CALCR: variants seen among roughly 807,000 people sequenced by gnomAD.
CALCR encodes the protein calcitonin receptor.
CALCR carries 47 observed loss-of-function variants against 59.5 expected under a neutral mutation model. The ratio of observed to expected loss-of-function variants is 0.79; its 90% CI spans 0.63 to 1.01. The LOEUF (loss-of-function observed/expected upper bound fraction) is 1.01. CALCR is among the 50% of genes least tolerant of loss of function. The pLI, the probability that CALCR is intolerant of heterozygous loss-of-function variation, is 0.00. For synonymous variants in CALCR, 213 were observed against 211.3 expected (o/e 1.01, Z -0.07); for missense variants, 566 against 597.1 (o/e 0.95, Z 0.54).
intron 2 of CALCR, among the ~76,000 whole-genome samples, chr7:93,537,591 A>G (rs1414264138): frequency 6.6e-6 from 1 of 151,872 alleles, no homozygotes; most frequent in East Asian, 1.9e-4. Context: ...CAGTTTTTGC[A>G]ATTGTATTTC....
At chr7:93,521,007 T>C (rs777569070) in intron 2 of CALCR, among the ~76,000 whole-genome samples, 4 of 152,152 alleles carry the variant, frequency 2.6e-5, no homozygotes, top group Non-Finnish European at 4.4e-5. Context: ...AAACATTTGG[T>C]GTTTCTCAGT....
At chr7:93,557,205 CTCAGACTGCT>C (rs1269518027) in intron 2 of CALCR, among the ~76,000 whole-genome samples, 1 of 151,948 alleles carries the variant, frequency 6.6e-6, no homozygotes, top group Non-Finnish European at 1.5e-5. Context: ...TGTCTCCAAT[CTCAGACTGCT>C]TATGTATAAA....
intron 8 of CALCR, among the ~76,000 whole-genome samples, chr7:93,445,540 T>C (rs1462363487): frequency 6.6e-6 from 1 of 152,110 alleles, no homozygotes; most frequent in Non-Finnish European, 1.5e-5. Flanking sequence ...AGTTATGGTC[T>C]ATAAAGTTGC....
At chr7:93,431,952 A>G (rs1398619178) in intron 13 of CALCR, among the ~76,000 whole-genome samples, 3 of 152,136 alleles carry the variant, frequency 2.0e-5, no homozygotes, top group African/African-American at 7.2e-5. Flanking sequence ...CTAATAATTT[A>G]CTGATATGTT....
At chr7:93,449,103 C>A (rs1466284384) in intron 8 of CALCR, among the ~76,000 whole-genome samples, 1 of 151,968 alleles carries the variant, frequency 6.6e-6, no homozygotes, top group Non-Finnish European at 1.5e-5. Context: ...ATCAAAGCTG[C>A]CAATTTTATT....
At chr7:93,546,362 G>C (rs1789285344) in intron 2 of CALCR, among the ~76,000 whole-genome samples, 1 of 152,066 alleles carries the variant, frequency 6.6e-6, no homozygotes, top group South Asian at 2.1e-4. Context: ...ATCTTAAAGA[G>C]AACTGTGACA....
chr7:93,554,191 A>C (rs932635963), intron 2 of CALCR, among the ~76,000 whole-genome samples: 5 of 152,156 alleles, frequency 3.3e-5, no homozygotes, highest in Non-Finnish European at 5.9e-5. Context: ...TTTTTATATG[A>C]GAAGTTGTAC....
Position 93,460,873 on chromosome 7 carries a change from A to G in CALCR, c.596T>C (p.Ile199Thr), listed in dbSNP as rs1292403103. The G allele has an allele frequency of 6.2e-7, 1 of 1,611,872 alleles. No homozygotes were observed. The highest frequency in any genetic ancestry group is 1.7e-5 in the Admixed American group (1 of 59,860). ...LTYILNSMII[I>T]IHLVEVVPNG... ...GGGTACTACTTCAACCAGGTGGATG[A>G]TGATAATCATAGAATTCAGAATGTA... Residue 199 changes from isoleucine to threonine, a missense_variant, in exon 8 of 14, where the codon ATC becomes ACC. Physicochemically the swap from Ile to Thr is moderately conservative, Grantham distance 89. Transcript: ENST00000426151.
At chr7:93,548,982 TA>T (rs2116219555) in intron 2 of CALCR, among the ~76,000 whole-genome samples, 1 of 152,184 alleles carries the variant, frequency 6.6e-6, no homozygotes, top group African/African-American at 2.4e-5. Context: ...GCTGTGATTA[TA>T]AAAATTCTCA....
chr7:93,448,676 A>G (rs1218514848), intron 8 of CALCR, among the ~76,000 whole-genome samples: 1 of 152,016 alleles, frequency 6.6e-6, no homozygotes, highest in African/African-American at 2.4e-5. Flanking sequence ...GTCAGAGGAG[A>G]AAAAATGGAT....
At chr7:93,457,045 T>C (rs1464670265) in intron 8 of CALCR, among the ~76,000 whole-genome samples, 3 of 152,144 alleles carry the variant, frequency 2.0e-5, no homozygotes, top group African/African-American at 7.2e-5. Flanking sequence ...GGGGACAGCC[T>C]ATGTGCTGTG....
intron 9 of CALCR, among the ~76,000 whole-genome samples, chr7:93,440,601 A>T (rs906970799): frequency 6.6e-6 from 1 of 151,914 alleles, no homozygotes; most frequent in Non-Finnish European, 1.5e-5. Context: ...CATGCTAAAA[A>T]CATTACATTT....
Position 93,426,399 on chromosome 7 carries a change from T to C in CALCR, c.1382A>G (p.Glu461Gly). ...PANNQGEESA[E>G]IIPLNIIEQE... ...CTCTATGATATTCAAAGGGATGATCTCAGCACTCTCCTCGCCTTGGTTGTT... is the reference window on the plus strand; with the variant it reads ...CTCTATGATATTCAAAGGGATGATCCCAGCACTCTCCTCGCCTTGGTTGTT... The change falls in exon 14 of 14, where the codon GAG becomes GGG. Residue 461 changes from glutamate (E) to glycine (G), a missense_variant. Transcript: ENST00000426151. The C allele has an allele frequency of 6.2e-7, 1 of 1,613,484 alleles. No individual in the cohort carries two copies. The highest frequency in any genetic ancestry group is 1.3e-5 in the African/African-American group (1 of 75,054).
chr7:93,490,529 C>T (rs974243539), intron 2 of CALCR, among the ~76,000 whole-genome samples: 2 of 151,830 alleles, frequency 1.3e-5, no homozygotes, highest in Admixed American at 1.3e-4. Flanking sequence ...CCCCAAAACT[C>T]CTTAAGCTGA....
chr7:93,528,689 A>T (rs1788745791), intron 2 of CALCR, among the ~76,000 whole-genome samples: 1 of 152,240 alleles, frequency 6.6e-6, no homozygotes, highest in Admixed American at 6.5e-5. Flanking sequence ...ATAATTGGCA[A>T]TATATGTTAT....
rs35430784 is a variant in CALCR, at chr7:93,438,129, GA to G, written c.864-4del. ...GGGTTTCCACACTCAGCCAGCAGCTGAAAAAGGGCAAGGGGACAATTAATAC... is the reference window on the plus strand; with the variant it reads ...GGGTTTCCACACTCAGCCAGCAGCTGAAAAGGGCAAGGGGACAATTAATAC... On this transcript the variant is annotated splice_region_variant and splice_polypyrimidine_tract_variant and intron_variant, in intron 10 of 13. Coordinates refer to ENST00000426151, the MANE Select transcript of CALCR (RefSeq NM_001742.4). The G allele has an allele frequency of 1.9e-6, 3 of 1,613,866 alleles. No individual in the cohort carries two copies. Among genetic ancestry groups the G allele is most frequent in the Non-Finnish European group, 8.5e-7 (1 of 1,179,812 alleles).
At chr7:93,552,321 C>T (rs772024850) in intron 2 of CALCR, among the ~76,000 whole-genome samples, 1 of 152,182 alleles carries the variant, frequency 6.6e-6, no homozygotes, top group Non-Finnish European at 1.5e-5. Context: ...TTACCAAAGT[C>T]ACAAAACCTG....
intron 2 of CALCR, among the ~76,000 whole-genome samples, chr7:93,540,618 G>T (rs1433191946): frequency 1.3e-5 from 2 of 151,048 alleles, no homozygotes; most frequent in Admixed American, 6.6e-5. Flanking sequence ...ATTTGTATTT[G>T]TTTTATCTCT....
chr7:93,498,880 A>T (rs1306995290), intron 2 of CALCR, among the ~76,000 whole-genome samples: 1 of 151,720 alleles, frequency 6.6e-6, no homozygotes, highest in East Asian at 1.9e-4. Flanking sequence ...GTAACTTTTC[A>T]ACTTCTGTTA....
Sources: gnomAD v4.1 joint callset for allele counts (sites outside exome capture counted in the v4.1 genomes callset) on GRCh38, gnomAD v4.1.1 for gene constraint, MANE v1.5 for transcripts, NCBI Gene and HGNC (gene_info 2026-07-23, HGNC 2026-07-21) for gene names.